Variants in PHLDB3 observed in about 807,000 individuals in gnomAD.
PHLDB3 encodes the protein pleckstrin homology-like domain family B member 3.
In PHLDB3, 86 loss-of-function variants were observed where a neutral mutation model predicts 85.7. The ratio of observed to expected loss-of-function variants is 1.00; its 90% CI spans 0.84 to 1.20. The LOEUF (loss-of-function observed/expected upper bound fraction) is 1.20, where lower values mean the gene tolerates loss of function less well. PHLDB3 is among the 50% of genes most tolerant of loss of function. The pLI, the probability that PHLDB3 is intolerant of heterozygous loss-of-function variation, is 0.00. For synonymous variants in PHLDB3, 376 were observed against 349.8 expected, an observed-to-expected ratio of 1.07 and a Z score of -0.83; for missense variants, 995 against 873.0, an observed-to-expected ratio of 1.14 and a Z score of -1.76.
intron 9 of PHLDB3, among the ~76,000 whole-genome samples, chr19:43,491,945 GT>G (rs35827061): frequency 0.7 from 89,906 of 129,294 alleles, 31,215 homozygotes; most frequent in African/African-American, 0.8. Flanking sequence ...GCACCTGGCC[GT>G]TTTTTTTTTT....
At chr19:43,490,533 G>C (rs1332819748) in intron 9 of PHLDB3, among the ~76,000 whole-genome samples, 4 of 152,086 alleles carry the variant, frequency 2.6e-5, no homozygotes, top group Admixed American at 2.6e-4. Context: ...ACTCCAGCCT[G>C]GGCGACAGAG....
At position 43,486,349 on chromosome 19, in the gene PHLDB3, T is replaced by A. The variant is rs1568475856; in HGVS notation, c.1429-27A>T. 7 of 1,592,814 alleles carry A rather than the reference T, an allele frequency of 4.4e-6. 1 individual carries two copies. The East Asian group carries it at 1.6e-4, about 36-fold the overall frequency. ...TGTGGATTCAGGATGAAGCACTCAATGAGGATCCCAGCCCATAAGATGGTA... is the reference window on the plus strand; with the variant it reads ...TGTGGATTCAGGATGAAGCACTCAAAGAGGATCCCAGCCCATAAGATGGTA... On this transcript the variant is annotated intron_variant, in intron 12 of 15. Transcript: ENST00000292140.
intron 13 of PHLDB3, among the ~76,000 whole-genome samples, chr19:43,485,303 C>G (rs977954000): frequency 2.6e-5 from 4 of 151,054 alleles, no homozygotes; most frequent in African/African-American, 7.3e-5. Flanking sequence ...ACCTGCACCT[C>G]CCAGGTTCAA....
At chr19:43,480,428 T>C (rs1971022200) in intron 13 of PHLDB3, among the ~76,000 whole-genome samples, 1 of 151,738 alleles carries the variant, frequency 6.6e-6, no homozygotes, top group Admixed American at 6.6e-5. Flanking sequence ...CCATCTCTAC[T>C]AAAAATCCAA....
chr19:43,481,030 G>A (rs966927728), intron 13 of PHLDB3, among the ~76,000 whole-genome samples: 1 of 152,128 alleles, frequency 6.6e-6, no homozygotes, highest in South Asian at 2.1e-4. Context: ...AAGCAGATCC[G>A]CTGGGGATTT....
chr19:43,504,256 G>A, intron 1 of PHLDB3, 124 bp from the exon 2 acceptor site: 1 of 875,020 alleles, frequency 1.1e-6, no homozygotes, highest in African/African-American at 1.7e-5. Flanking sequence ...TTCAAAGGAT[G>A]GAACTGAGCG....
chr19:43,475,614 C>CACAGACGTG, intron 15 of PHLDB3, 70 bp from the exon 16 acceptor site: 1 of 1,591,608 alleles, frequency 6.3e-7, no homozygotes, highest in Admixed American at 1.7e-5. Context: ...CGAACCCAGC[C>CACAGACGTG]TTGCTACTTA....
intron 9 of PHLDB3, among the ~76,000 whole-genome samples, chr19:43,492,778 G>C (rs150467652): frequency 2.6e-5 from 4 of 152,218 alleles, no homozygotes; most frequent in Non-Finnish European, 4.4e-5. Context: ...CTAGCTCACA[G>C]ATTTGTTGCA....
At chr19:43,502,614 C>CTGTTTTT (rs1971639638) in intron 2 of PHLDB3, among the ~76,000 whole-genome samples, 1 of 114,796 alleles carries the variant, frequency 8.7e-6, no homozygotes, top group African/African-American at 3.5e-5. Context: ...ACGCCAAGCT[C>CTGTTTTT]TTTTTTTTTT....
chr19:43,496,873 GAAA>G (rs35557273), intron 6 of PHLDB3: 4 of 447,786 alleles, frequency 8.9e-6, no homozygotes, highest in African/African-American at 6.2e-5. Flanking sequence ...TTTATAACGT[GAAA>G]AAAAAAAAAC....
chr19:43,501,162 GT>G (rs1207324465), intron 4 of PHLDB3, among the ~76,000 whole-genome samples: 1 of 143,954 alleles, frequency 6.9e-6, no homozygotes, highest in Non-Finnish European at 1.5e-5. Context: ...GGGTTTGGAA[GT>G]TTTCTTTTTC....
At chr19:43,504,195 C>A in intron 1 of PHLDB3, 63 bp from the exon 2 acceptor site, 1 of 1,423,764 alleles carries the variant, frequency 7.0e-7, no homozygotes. Context: ...GCGCCGCTCG[C>A]GTCTGCTCCG....
intron 13 of PHLDB3, among the ~76,000 whole-genome samples, chr19:43,483,015 G>A (rs998887107): frequency 1.7e-4 from 26 of 152,112 alleles, no homozygotes; most frequent in African/African-American, 6.0e-4. Flanking sequence ...CCCAAAGGTG[G>A]GGATTGTTAT....
chr19:43,493,958 C>T (rs1971380113), intron 9 of PHLDB3, among the ~76,000 whole-genome samples: 1 of 152,102 alleles, frequency 6.6e-6, no homozygotes, highest in Non-Finnish European at 1.5e-5. Context: ...CCAAACTGCT[C>T]CAATGTGCAT....
intron 15 of PHLDB3, among the ~76,000 whole-genome samples, chr19:43,477,270 G>A (rs1027981902): frequency 2.0e-5 from 3 of 147,822 alleles, no homozygotes; most frequent in South Asian, 2.1e-4. Context: ...CCTGTAATCC[G>A]AGCACTTTGG....
At position 43,497,186 on chromosome 19, in the gene PHLDB3, C is replaced by G; in HGVS notation, c.757G>C (p.Asp253His). Reference sequence around the variant, plus strand: ...TCTGGCACCTGGGGCCCAGGGCTGTCCCGATCCTCCTCCTCCTGCCGGCTC... The same window carrying G: ...TCTGGCACCTGGGGCCCAGGGCTGTGCCGATCCTCCTCCTCCTGCCGGCTC... ...RESRQEEEDR[D>H]SPGPQVPDPK... Residue 253 changes from aspartate (D) to histidine (H), a missense_variant, in exon 6 of 16, where the codon GAC becomes CAC. By Grantham distance (81) the Asp-to-His change is moderately conservative. Coordinates refer to ENST00000292140, the MANE Select transcript of PHLDB3 (RefSeq NM_198850.4). The G allele has an allele frequency of 2.6e-6, 4 of 1,567,670 alleles. No homozygotes were observed.
chr19:43,494,856 C>A, intron 8 of PHLDB3, 41 bp from the exon 9 acceptor site: 1 of 1,489,166 alleles, frequency 6.7e-7, no homozygotes, highest in Admixed American at 1.9e-5. Flanking sequence ...GCAGGAGAGA[C>A]CCCAGAGCAA....
Position 43,495,614 on chromosome 19 carries a change from C to T in PHLDB3, c.832G>A (p.Ala278Thr). 2 of 1,608,598 alleles carry T rather than the reference C, an allele frequency of 1.2e-6. No homozygotes were observed. Among genetic ancestry groups the T allele is most frequent in the Non-Finnish European group, 1.7e-6 (2 of 1,177,750 alleles). Residue 278 changes from alanine to threonine, a missense_variant, in exon 7 of 16, where the codon GCT becomes ACT. Transcript: ENST00000292140. ...AGGACCCGGATCCGGTGCTGCAGAGCACCCCTCTGTCCCGGTTACTCATCT... is the reference window on the plus strand; with the variant it reads ...AGGACCCGGATCCGGTGCTGCAGAGTACCCCTCTGTCCCGGTTACTCATCT... ...QASMAQHRRG[A>T]LQHRIRVLEE...
At chr19:43,498,420 AGAGG>A (rs772052261) in intron 4 of PHLDB3, among the ~76,000 whole-genome samples, 7 of 151,100 alleles carry the variant, frequency 4.6e-5, no homozygotes, top group Non-Finnish European at 1.0e-4. Context: ...GAGAAAGAAA[AGAGG>A]GAGGGAGGGA....
Sources: allele counts gnomAD v4.1 joint callset (sites outside exome capture counted in the v4.1 genomes callset), GRCh38; gene constraint gnomAD v4.1.1; transcripts MANE v1.5; gene names NCBI Gene and HGNC (gene_info 2026-07-23, HGNC 2026-07-21).